The following GPC5 variants were observed in gnomAD, a reference collection of about 807,000 sequenced individuals.
GPC5 encodes glypican-5.
In GPC5, 47 loss-of-function variants were observed where a neutral mutation model predicts 53.9. The observed-to-expected ratio is 0.87, with a 90% CI of 0.69 to 1.11. The LOEUF is 1.11. Among genes scored for constraint, GPC5 ranks in the 50% most tolerant of loss-of-function variants. The pLI is 0.00. For missense variants in GPC5, 748 were observed against 713.1 expected, an observed-to-expected ratio of 1.05 and a Z score of -0.56; for synonymous variants, 286 against 263.3, an observed-to-expected ratio of 1.09 and a Z score of -0.84.
intron 7 of GPC5, among the ~76,000 whole-genome samples, chr13:92,760,767 C>T (rs1875133420): frequency 6.6e-6 from 1 of 151,738 alleles, no homozygotes; most frequent in African/African-American, 2.4e-5. Context: ...TTTGAGATTG[C>T]TCTTCTTAAT....
At chr13:92,756,145 C>T (rs963790766) in intron 7 of GPC5, among the ~76,000 whole-genome samples, 22 of 151,986 alleles carry the variant, frequency 1.4e-4, no homozygotes, top group Admixed American at 1.3e-3. Flanking sequence ...ATCAAGTGGG[C>T]TTCATCCCTG....
Position 92,162,804 on chromosome 13 carries a change from ACAACT to A in GPC5, c.1561+17819_1561+17823del, listed in dbSNP as rs145691690. ...GACAAATAAGTTGATGACATAAATG[ACAACT>A]CAATACTTTTTTTCTGTGGTGATTT... On this transcript the variant is annotated intron_variant, in intron 7 of 7. Transcript: ENST00000377067. Among the ~76,000 whole-genome samples the A allele has an allele frequency of 9.2e-3, 1,397 of 152,300 alleles. 8 individuals are homozygous for A. Among genetic ancestry groups the A allele is most frequent in the Admixed American group, 0.014 (219 of 15,298 alleles).
At chr13:92,858,599 G>T (rs1424247545) in intron 7 of GPC5, among the ~76,000 whole-genome samples, 4 of 152,100 alleles carry the variant, frequency 2.6e-5, no homozygotes, top group Non-Finnish European at 4.4e-5. Flanking sequence ...AACAGTGAGA[G>T]TTAAATCTTG....
rs146450759 is a variant in GPC5 at position 91,695,221 on chromosome 13, T to C, written c.1020+1340T>C. On this transcript the variant is annotated intron_variant, in intron 3 of 7. Transcript: ENST00000377067. ...GGCCTGGTCTTCTTGTCTTCTCACA[T>C]CCTTTTATGAAAATTGTACATGGCC... is the stretch of plus-strand genomic sequence containing the variant. Among the ~76,000 whole-genome samples, 7 of 152,230 alleles carry C rather than the reference T, an allele frequency of 4.6e-5. No individual in the cohort carries two copies. In the East Asian group the frequency reaches 1.4e-3, roughly 29 times the overall value.
intron 6 of GPC5, among the ~76,000 whole-genome samples, chr13:92,000,934 A>G (rs1380061266): frequency 2.0e-5 from 3 of 152,218 alleles, no homozygotes; most frequent in Admixed American, 2.0e-4. Context: ...GGGTGTGGAG[A>G]ATAGGTAACA....
intron 6 of GPC5, among the ~76,000 whole-genome samples, chr13:91,972,144 G>T (rs1331558796): frequency 1.3e-5 from 2 of 152,110 alleles, no homozygotes; most frequent in African/African-American, 2.4e-5. Context: ...ATGAATCTGG[G>T]TGCTCCTGTA....
At chr13:92,414,342 TA>T (rs1326602757) in intron 7 of GPC5, among the ~76,000 whole-genome samples, 1 of 151,678 alleles carries the variant, frequency 6.6e-6, no homozygotes, top group Non-Finnish European at 1.5e-5. Flanking sequence ...CCATCTCTAC[TA>T]AAAATAAAAA....
chr13:91,727,754 C>T (rs2140004381), intron 3 of GPC5, among the ~76,000 whole-genome samples: 1 of 152,300 alleles, frequency 6.6e-6, no homozygotes, highest in African/African-American at 2.4e-5. Flanking sequence ...GAACCAGAGT[C>T]TCCTGATTCC....
chr13:92,225,960 T>C (rs933416446), intron 7 of GPC5, among the ~76,000 whole-genome samples: 2 of 152,138 alleles, frequency 1.3e-5, no homozygotes, highest in Non-Finnish European at 2.9e-5. Flanking sequence ...CTAAATCTTA[T>C]CTTGAATTCT....
chr13:92,724,330 T>C (rs956531316), intron 7 of GPC5, among the ~76,000 whole-genome samples: 4 of 151,652 alleles, frequency 2.6e-5, no homozygotes, highest in Non-Finnish European at 3.0e-5. Context: ...ATAAATGTGT[T>C]AATAAAAACA....
rs562304155 is a variant in GPC5 at position 91,930,797 on chromosome 13, C to T, written c.1401+22740C>T. Among the ~76,000 whole-genome samples, 226 of 152,176 alleles carry T rather than the reference C, an allele frequency of 1.5e-3. 1 individual carries two copies. In the Middle Eastern group the frequency reaches 0.054, roughly 37 times the overall value. On this transcript the variant is annotated intron_variant, in intron 6 of 7. Coordinates refer to ENST00000377067, the MANE Select transcript of GPC5 (RefSeq NM_004466.6). ...GTGAGAAATTTTCCAGGCACTTCAA[C>T]ATGTCAGCTGAGTGACTGTAACAAT...
chr13:92,249,679 T>G (rs2042678429), intron 7 of GPC5, among the ~76,000 whole-genome samples: 1 of 152,002 alleles, frequency 6.6e-6, no homozygotes, highest in South Asian at 2.1e-4. Context: ...TTAGTATATT[T>G]GAGTTAGTGG....
intron 2 of GPC5, among the ~76,000 whole-genome samples, chr13:91,687,884 A>G (rs1438563176): frequency 6.6e-6 from 1 of 152,092 alleles, no homozygotes; most frequent in Non-Finnish European, 1.5e-5. Flanking sequence ...TTTATGTATT[A>G]TAACTGTAAT....
intron 6 of GPC5, among the ~76,000 whole-genome samples, chr13:91,954,052 T>C (rs1315738446): frequency 6.6e-6 from 1 of 152,210 alleles, no homozygotes; most frequent in African/African-American, 2.4e-5. Context: ...CAAAAAATTA[T>C]GAATGGTTCT....
chr13:92,386,162 A>G (rs1486605703), intron 7 of GPC5, among the ~76,000 whole-genome samples: 4 of 152,058 alleles, frequency 2.6e-5, no homozygotes, highest in African/African-American at 7.2e-5. Context: ...AGCTGTAAAA[A>G]GGTATAGCAT....
At chr13:92,430,204 T>G (rs1877024207) in intron 7 of GPC5, among the ~76,000 whole-genome samples, 1 of 152,096 alleles carries the variant, frequency 6.6e-6, no homozygotes. Context: ...CTATCCTGTT[T>G]AGAATGCTTG....
intron 2 of GPC5, among the ~76,000 whole-genome samples, chr13:91,554,171 C>A (rs1566499537): frequency 6.6e-6 from 1 of 151,834 alleles, no homozygotes; most frequent in Non-Finnish European, 1.5e-5. Context: ...AAGACAAAAG[C>A]ATTTAAACTT....
chr13:92,264,876 C>CTGTGTGTGTG (rs1357258483), intron 7 of GPC5, among the ~76,000 whole-genome samples: 256 of 119,280 alleles, frequency 2.1e-3, no homozygotes, highest in Non-Finnish European at 3.2e-3. Flanking sequence ...CTCTCTCTCT[C>CTGTGTGTGTG]TCTGTGTGTG....
At chr13:92,444,523 A>G (rs1184209937) in intron 7 of GPC5, among the ~76,000 whole-genome samples, 1 of 152,026 alleles carries the variant, frequency 6.6e-6, no homozygotes, top group Non-Finnish European at 1.5e-5. Context: ...AAAAGGCAGT[A>G]CTAAATATTA....
Sources: allele counts gnomAD v4.1 joint callset (sites outside exome capture counted in the v4.1 genomes callset), GRCh38; gene constraint gnomAD v4.1.1; transcripts MANE v1.5; gene names NCBI Gene and HGNC (gene_info 2026-07-23, HGNC 2026-07-21).